The following HSD17B2 variants were observed in gnomAD, a reference collection of about 807,000 sequenced individuals.
HSD17B2 encodes hydroxysteroid 17-beta dehydrogenase 2, also known as 17-beta-hydroxysteroid dehydrogenase type 2.
Under a neutral mutation model 26.9 loss-of-function variants are expected in HSD17B2, and 32 were observed. The ratio of observed to expected loss-of-function variants is 1.19; its 90% confidence interval spans 0.90 to 1.60. The LOEUF (loss-of-function observed/expected upper bound fraction) is 1.60. Ranked by LOEUF, HSD17B2 falls within the 40% of genes most tolerant of loss-of-function variation. The probability of loss-of-function intolerance (pLI) is 0.00; values close to 1 mark genes in which losing one functional copy is unlikely to be tolerated. For synonymous variants in HSD17B2, 246 were observed against 186.7 expected (o/e 1.32, Z -2.59); for missense variants, 613 against 468.6 (o/e 1.31, Z -2.85).
chr16:82,079,912 C>T (rs1904336031), intron 3 of HSD17B2, among the ~76,000 whole-genome samples: 1 of 152,108 alleles, frequency 6.6e-6, no homozygotes, highest in Non-Finnish European at 1.5e-5. Flanking sequence ...GAGTTCATTG[C>T]TGTTATTTTC....
At position 82,053,550 on chromosome 16, in the gene HSD17B2, C is replaced by T. The variant is rs567186411; in HGVS notation, c.266-14620C>T. 1.5e-3 allele frequency among the ~76,000 whole-genome samples: 221 copies of T among 152,214 alleles called. 1 individual carries two copies. The highest frequency in any genetic ancestry group is 5.1e-3 in the African/African-American group (211 of 41,530). On this transcript the variant is annotated intron_variant, in intron 1 of 4. Transcript: ENST00000199936. ...ATTGGGGAAAGTTCATAGCGCTAGC[C>T]ATGGACTCTGAGTTCTCCACTAGAC...
At chr16:82,046,878 G>A (rs979153620) in intron 1 of HSD17B2, among the ~76,000 whole-genome samples, 2 of 152,120 alleles carry the variant, frequency 1.3e-5, no homozygotes, top group Non-Finnish European at 2.9e-5. Flanking sequence ...ATAAGTAATT[G>A]GCAGTGCTGG....
intron 1 of HSD17B2, among the ~76,000 whole-genome samples, chr16:82,046,592 G>A (rs1913936909): frequency 6.6e-6 from 1 of 151,884 alleles, no homozygotes; most frequent in African/African-American, 2.4e-5. Context: ...GCATGGTGGT[G>A]GGCACCTGTA....
At chr16:82,073,156 T>C (rs954599162) in intron 3 of HSD17B2, among the ~76,000 whole-genome samples, 1 of 152,182 alleles carries the variant, frequency 6.6e-6, no homozygotes, top group Non-Finnish European at 1.5e-5. Context: ...TCTGTTGTCA[T>C]GTATTTTCAT....
intron 1 of HSD17B2, among the ~76,000 whole-genome samples, chr16:82,062,155 T>C (rs1765065734): frequency 6.6e-6 from 1 of 152,232 alleles, no homozygotes; most frequent in African/African-American, 2.4e-5. Flanking sequence ...TGATTCACAT[T>C]ATTTCCCTTT....
intron 1 of HSD17B2, chr16:82,063,062 A>G (rs1914484475): frequency 6.6e-6 from 1 of 152,234 alleles, no homozygotes; most frequent in African/African-American, 2.4e-5. Context: ...TGCCCATGCC[A>G]GTCTAGGAGG....
At chr16:82,094,318 C>G (rs1257702026) in intron 4 of HSD17B2, 1 of 152,188 alleles carries the variant, frequency 6.6e-6, no homozygotes, top group South Asian at 2.1e-4. Context: ...CTGAATCATA[C>G]CAACCTGTTT....
chr16:82,047,024 T>C (rs1397502979), intron 1 of HSD17B2, among the ~76,000 whole-genome samples: 1 of 152,228 alleles, frequency 6.6e-6, no homozygotes, highest in Non-Finnish European at 1.5e-5. Context: ...CCCAAGCACC[T>C]TCCGCATTCA....
intron 1 of HSD17B2, among the ~76,000 whole-genome samples, chr16:82,042,840 C>T (rs941794485): frequency 3.3e-5 from 5 of 152,024 alleles, no homozygotes; most frequent in African/African-American, 7.2e-5. Flanking sequence ...AGGCTGGTCT[C>T]GAACTCCTGA....
intron 1 of HSD17B2, among the ~76,000 whole-genome samples, chr16:82,040,473 G>A (rs1779574088): frequency 6.6e-6 from 1 of 152,158 alleles, no homozygotes; most frequent in African/African-American, 2.4e-5. Context: ...AGCCAAGATT[G>A]GACTAAACCC....
intron 3 of HSD17B2, among the ~76,000 whole-genome samples, chr16:82,089,805 A>G (rs560145855): frequency 6.6e-6 from 1 of 152,188 alleles, no homozygotes; most frequent in Non-Finnish European, 1.5e-5. Flanking sequence ...TGTCTCTGAT[A>G]AGGACACCCA....
chr16:82,075,504 C>A lies in HSD17B2; in HGVS notation c.664+4377C>A, dbSNP rs553178124. ...CAAGACTAAGAACAAGAGAGAAGAC[C>A]CAATAAAAATCAGAGATGACAAAGG... On this transcript the variant is annotated intron_variant, in intron 3 of 4. Coordinates refer to ENST00000199936, the MANE Select transcript of HSD17B2 (RefSeq NM_002153.3). 6.3e-4 allele frequency among the ~76,000 whole-genome samples: 96 copies of A among 151,300 alleles called. 2 individuals carry two copies. In the South Asian group the frequency reaches 0.019, roughly 29 times the overall value.
Position 82,098,293 on chromosome 16 carries a change from G to A in HSD17B2, c.1021G>A (p.Gly341Arg), listed in dbSNP as rs201544106. Reference sequence around the variant, plus strand: ...GAGCCCTTTTGCCTATTACACGCCAGGGAAAGGCGCTTACTTGTGGATCTG... The same window carrying A: ...GAGCCCTTTTGCCTATTACACGCCAAGGAAAGGCGCTTACTTGTGGATCTG... ...AKSPFAYYTPGKGAYLWICLA... is the reference protein window; with the variant it reads ...AKSPFAYYTPRKGAYLWICLA... Residue 341 changes from glycine (G) to arginine (R), a missense_variant, in exon 5 of 5, where the codon GGG becomes AGG. Coordinates refer to ENST00000199936, the MANE Select transcript of HSD17B2 (RefSeq NM_002153.3). The A allele has an allele frequency of 6.2e-7, 1 of 1,614,178 alleles. No homozygotes were observed. The highest frequency in any genetic ancestry group is 8.5e-7 in the Non-Finnish European group (1 of 1,180,012).
intron 1 of HSD17B2, among the ~76,000 whole-genome samples, chr16:82,067,865 T>A (rs2143977470): frequency 6.6e-6 from 1 of 152,340 alleles, no homozygotes; most frequent in East Asian, 1.9e-4. Context: ...TTGGTTTTCC[T>A]TCCCAATTAC....
At chr16:82,071,799 G>C (rs1373832920) in intron 3 of HSD17B2, 3 of 158,502 alleles carry the variant, frequency 1.9e-5, no homozygotes, top group Admixed American at 6.0e-5. Flanking sequence ...CTCTTGTTCA[G>C]TTTAGGGAAG....
chr16:82,068,534 C>G, intron 2 of HSD17B2, 152 bp downstream of exon 2: 1 of 643,476 alleles, frequency 1.6e-6, no homozygotes, highest in South Asian at 1.9e-5. Context: ...GTGGGGGCCT[C>G]TATCAACATG....
chr16:82,052,179 T>A (rs759749545), intron 1 of HSD17B2: 2 of 152,202 alleles, frequency 1.3e-5, no homozygotes, highest in African/African-American at 2.4e-5. Context: ...AAATGAGCAA[T>A]CCCAGGTCCT....
At chr16:82,063,852 T>G (rs548505328) in intron 1 of HSD17B2, among the ~76,000 whole-genome samples, 1 of 152,036 alleles carries the variant, frequency 6.6e-6, no homozygotes, top group African/African-American at 2.4e-5. Context: ...CAAAGTTAGG[T>G]TAACGAACAC....
At chr16:82,097,959 A>C in intron 4 of HSD17B2, 116 bp from the exon 5 acceptor site, 1 of 929,486 alleles carries the variant, frequency 1.1e-6, no homozygotes, top group Non-Finnish European at 1.5e-6. Context: ...AAAATAAAAA[A>C]ATAAATAAAT....
Sources: allele counts gnomAD v4.1 joint callset (sites outside exome capture counted in the v4.1 genomes callset), GRCh38; gene constraint gnomAD v4.1.1; transcripts MANE v1.5; gene names NCBI Gene and HGNC (gene_info 2026-07-23, HGNC 2026-07-21).